ZNF385D: variants seen among roughly 807,000 people sequenced by gnomAD.
The protein encoded by ZNF385D is zinc finger protein 385D, also known as zinc finger protein 659.
A neutral mutation model predicts 35.8 loss-of-function variants in ZNF385D; 15 were observed. The observed-to-expected ratio is 0.42, with a 90% CI of 0.28 to 0.64. The LOEUF (loss-of-function observed/expected upper bound fraction) is 0.64. Ranked by LOEUF, ZNF385D falls within the 30% of genes least tolerant of loss-of-function variation. The pLI, the probability that ZNF385D is intolerant of heterozygous loss-of-function variation, is 0.23. For missense variants in ZNF385D, 474 were observed against 494.6 expected, an observed-to-expected ratio of 0.96 and a Z score of 0.39; for synonymous variants, 212 against 186.8, an observed-to-expected ratio of 1.13 and a Z score of -1.10.
intron 3 of ZNF385D, among the ~76,000 whole-genome samples, chr3:21,773,366 T>C (rs7628655): frequency 0.39 from 58,473 of 151,620 alleles, 11,391 homozygotes; most frequent in East Asian, 0.44. Context: ...CCATGAAAGA[T>C]TTTATGATGA....
intron 2 of ZNF385D, among the ~76,000 whole-genome samples, chr3:21,614,867 A>G (rs2064799356): frequency 6.6e-6 from 1 of 152,182 alleles, no homozygotes; most frequent in African/African-American, 2.4e-5. Context: ...GATTACAGGC[A>G]TAAGCCATCG....
Position 21,697,551 on chromosome 3 carries a change from C to A in ZNF385D, c.23-32523G>T, listed in dbSNP as rs560012399. Among the ~76,000 whole-genome samples, 9 of 152,002 alleles carry A rather than the reference C, an allele frequency of 5.9e-5. No homozygotes were observed. The East Asian group carries it at 1.7e-3, about 29-fold the overall frequency. ...ATTGAATACTTAAAATGTGGCTGGT[C>A]CATTTGTAACTAAGTACTCAAAAGC... On this transcript the variant is annotated intron_variant, in intron 1 of 7. Transcript: ENST00000281523.
intron 3 of ZNF385D, among the ~76,000 whole-genome samples, chr3:21,906,653 C>A (rs1699700178): frequency 6.6e-6 from 1 of 152,106 alleles, no homozygotes; most frequent in Admixed American, 6.6e-5. Flanking sequence ...CTGTGCCCAG[C>A]CTTGGCTCCA....
At chr3:22,305,875 T>C (rs1703181495) in intron 2 of ZNF385D, among the ~76,000 whole-genome samples, 1 of 152,212 alleles carries the variant, frequency 6.6e-6, no homozygotes, top group African/African-American at 2.4e-5. Context: ...TTGTTTGGTC[T>C]TAAACTAGAG....
At chr3:22,073,190 C>T (rs1355941590) in intron 3 of ZNF385D, among the ~76,000 whole-genome samples, 1 of 151,954 alleles carries the variant, frequency 6.6e-6, no homozygotes, top group Non-Finnish European at 1.5e-5. Flanking sequence ...TAGACCTTTG[C>T]TGTGTTTAAG....
chr3:21,975,702 AAT>A lies in ZNF385D; in HGVS notation c.325+193113_325+193114del, dbSNP rs56303677. Among the ~76,000 whole-genome samples the A allele has an allele frequency of 2.0e-3, 246 of 123,620 alleles. 1 individual carries two copies. Among genetic ancestry groups the A allele is most frequent in the East Asian group, 5.3e-3 (18 of 3,400 alleles). 81.1% of individuals were successfully genotyped at this position (123,620 alleles called of 152,430 possible). Reference sequence around the variant, plus strand: ...ATATATACCTATTATGTACCCACGAAATATATATATATATATATATATATATA... The same window carrying A: ...ATATATACCTATTATGTACCCACGAAATATATATATATATATATATATATA... On this transcript the variant is annotated intron_variant, in intron 3 of 5. Transcript: ENST00000494108.
At chr3:22,048,460 T>A (rs1299337125) in intron 3 of ZNF385D, among the ~76,000 whole-genome samples, 1 of 152,188 alleles carries the variant, frequency 6.6e-6, no homozygotes, top group African/African-American at 2.4e-5. Context: ...TTATTTTGCA[T>A]GTGAATGTCA....
At chr3:22,313,424 A>C (rs1039348950) in intron 2 of ZNF385D, among the ~76,000 whole-genome samples, 1 of 152,160 alleles carries the variant, frequency 6.6e-6, no homozygotes, top group South Asian at 2.1e-4. Flanking sequence ...AAAGATGTAG[A>C]TATAACATTT....
At chr3:21,789,098 T>C (rs552411113) in intron 3 of ZNF385D, among the ~76,000 whole-genome samples, 24 of 152,256 alleles carry the variant, frequency 1.6e-4, no homozygotes, top group African/African-American at 5.1e-4. Context: ...AAAAAGAAAT[T>C]GTTCAATAAA....
chr3:22,240,002 C>T (rs1256569428), intron 2 of ZNF385D, among the ~76,000 whole-genome samples: 1 of 149,252 alleles, frequency 6.7e-6, no homozygotes, highest in Non-Finnish European at 1.5e-5. Context: ...CATGGCAAAA[C>T]CCAGTCTCTA....
chr3:21,533,107 TC>T (rs1277086814), intron 3 of ZNF385D, among the ~76,000 whole-genome samples: 1 of 152,078 alleles, frequency 6.6e-6, no homozygotes. Flanking sequence ...CCATCACAGG[TC>T]CCTGAAATTA....
At chr3:21,898,651 A>G (rs1324351767) in intron 3 of ZNF385D, among the ~76,000 whole-genome samples, 2 of 152,180 alleles carry the variant, frequency 1.3e-5, no homozygotes, top group African/African-American at 4.8e-5. Context: ...AAAGTAACAC[A>G]AGCCAACTAA....
rs2063851274 is a variant in ZNF385D at position 21,587,699 on chromosome 3, A to G, written c.166-23015T>C. On this transcript the variant is annotated intron_variant, in intron 2 of 7. Transcript: ENST00000281523. The stretch of plus-strand genomic sequence containing the variant: ...ATATAAGAATTATTGGTATAACTGA[A>G]GACATAAGAGTGAATGATATGTAAC... Among the ~76,000 whole-genome samples, 5 of 151,928 alleles carry G rather than the reference A, an allele frequency of 3.3e-5. 1 individual carries two copies. In the South Asian group the frequency reaches 1.0e-3, roughly 32 times the overall value.
At chr3:22,102,647 T>C (rs1014811824) in intron 3 of ZNF385D, among the ~76,000 whole-genome samples, 1 of 152,102 alleles carries the variant, frequency 6.6e-6, no homozygotes, top group East Asian at 1.9e-4. Context: ...GACATATTGA[T>C]GACTGGGGTA....
At chr3:22,121,842 C>A (rs1212156971) in intron 3 of ZNF385D, among the ~76,000 whole-genome samples, 1 of 152,030 alleles carries the variant, frequency 6.6e-6, no homozygotes, top group Non-Finnish European at 1.5e-5. Flanking sequence ...CTCTACATCC[C>A]TCACTTTCTC....
At chr3:22,011,868 C>G (rs971187125) in intron 3 of ZNF385D, among the ~76,000 whole-genome samples, 6 of 152,106 alleles carry the variant, frequency 3.9e-5, no homozygotes, top group African/African-American at 1.4e-4. Flanking sequence ...AATCATGCTA[C>G]TATTCTACAT....
chr3:21,798,250 C>A (rs1400377100), intron 3 of ZNF385D, among the ~76,000 whole-genome samples: 1 of 152,194 alleles, frequency 6.6e-6, no homozygotes, highest in Non-Finnish European at 1.5e-5. Context: ...CACAGGTTGT[C>A]TGGTTCTTCG....
intron 2 of ZNF385D, among the ~76,000 whole-genome samples, chr3:22,272,480 C>A (rs1434334565): frequency 6.6e-6 from 1 of 151,890 alleles, no homozygotes; most frequent in Admixed American, 6.6e-5. Flanking sequence ...GTTTAATTAC[C>A]TTTGCTGATG....
chr3:21,886,555 G>A (rs775454624), intron 3 of ZNF385D, among the ~76,000 whole-genome samples: 4 of 152,036 alleles, frequency 2.6e-5, no homozygotes, highest in Admixed American at 6.6e-5. Context: ...GATATTGGAT[G>A]GACGGCTCAG....
Sources: gnomAD v4.1 joint callset for allele counts (sites outside exome capture counted in the v4.1 genomes callset) on GRCh38, gnomAD v4.1.1 for gene constraint, MANE v1.5 for transcripts, NCBI Gene and HGNC (gene_info 2026-07-23, HGNC 2026-07-21) for gene names.